TTC4: variants seen among roughly 807,000 people sequenced by gnomAD.
The protein encoded by TTC4 is tetratricopeptide repeat domain 4.
A neutral mutation model predicts 51.9 loss-of-function variants in TTC4; 36 were observed. The observed-to-expected ratio is 0.69, with a 90% CI of 0.53 to 0.92. The LOEUF is 0.92. Among genes scored for constraint, TTC4 ranks in the 40% least tolerant of loss-of-function variants. The probability of loss-of-function intolerance (pLI) is 0.00; values close to 1 mark genes in which losing one functional copy is unlikely to be tolerated. For synonymous variants in TTC4, 144 were observed against 164.2 expected (o/e 0.88, Z 0.94); for missense variants, 399 against 454.6 (o/e 0.88, Z 1.11).
intron 5 of TTC4, among the ~76,000 whole-genome samples, chr1:54,726,024 A>T (rs1479451288): frequency 6.6e-6 from 1 of 152,224 alleles, no homozygotes; most frequent in African/African-American, 2.4e-5. Context: ...GAAGGAGAGA[A>T]GAGAGAGAAT....
At chr1:54,724,497 A>G (rs1480847588) in intron 5 of TTC4, among the ~76,000 whole-genome samples, 1 of 152,074 alleles carries the variant, frequency 6.6e-6, no homozygotes, top group Non-Finnish European at 1.5e-5. Context: ...GCTGGTCTCA[A>G]ACTCCTGGGC....
At chr1:54,716,834 T>G (rs1234407408) in intron 2 of TTC4, 117 bp downstream of exon 2, 2 of 783,104 alleles carry the variant, frequency 2.6e-6, no homozygotes, top group African/African-American at 3.5e-5. Context: ...TTGTCATTAT[T>G]CATTCCAATA....
intron 9 of TTC4, among the ~76,000 whole-genome samples, chr1:54,739,825 C>T (rs1029667382): frequency 8.5e-5 from 13 of 152,142 alleles, no homozygotes; most frequent in Non-Finnish European, 1.5e-4. Flanking sequence ...TGCTAAGGAG[C>T]GTAAACTTTA....
At chr1:54,737,793 A>T in intron 9 of TTC4, 129 bp downstream of exon 9, 1 of 934,472 alleles carries the variant, frequency 1.1e-6, no homozygotes, top group Non-Finnish European at 1.6e-6. Context: ...TGGAGAACTC[A>T]CAGTTCCACG....
At chr1:54,739,903 A>G (rs1645991183) in intron 9 of TTC4, among the ~76,000 whole-genome samples, 1 of 152,212 alleles carries the variant, frequency 6.6e-6, no homozygotes. Context: ...TGTACAGAAT[A>G]GGCCGGGTAC....
At chr1:54,736,507 A>G (rs1403449062) in intron 8 of TTC4, among the ~76,000 whole-genome samples, 1 of 151,902 alleles carries the variant, frequency 6.6e-6, no homozygotes, top group African/African-American at 2.4e-5. Flanking sequence ...AGTAGCTGGG[A>G]CCACAGGCGT....
In TTC4 at chr1:54,717,541, A is replaced by G. The variant is rs760228530; in HGVS notation, c.279A>G (p.Lys93=). The change falls in exon 3 of 10, where the codon AAA becomes AAG. Residue 93 remains lysine, a synonymous_variant. Coordinates refer to ENST00000371281, the MANE Select transcript of TTC4 (RefSeq NM_004623.5). ...AGGGCAATGATTACTTTAAAGAAAA[A>G]GACTACAAGAAAGCTGTAATTTCAT... ...KDEGNDYFKE[K]DYKKAVISYT... is the part of the protein sequence containing the mutation. 3.7e-6 allele frequency: 6 copies of G among 1,608,994 alleles called. No individual in the cohort carries two copies. In the South Asian group the frequency reaches 4.5e-5, roughly 12 times the overall value.
At chr1:54,726,188 C>T (rs1645796924) in intron 5 of TTC4, among the ~76,000 whole-genome samples, 1 of 151,998 alleles carries the variant, frequency 6.6e-6, no homozygotes, top group South Asian at 2.1e-4. Flanking sequence ...TGTTGAAAAA[C>T]AAAGAAGAGA....
chr1:54,734,226 C>T (rs982359597), intron 8 of TTC4, among the ~76,000 whole-genome samples: 4 of 152,100 alleles, frequency 2.6e-5, no homozygotes, highest in East Asian at 1.9e-4. Context: ...CGCGTGCCAC[C>T]ACACCCAGCT....
intron 5 of TTC4, among the ~76,000 whole-genome samples, chr1:54,726,640 T>C (rs1645802604): frequency 6.6e-6 from 1 of 152,220 alleles, no homozygotes; most frequent in African/African-American, 2.4e-5. Context: ...CTAAAACTTA[T>C]ACTCTAAAAA....
intron 5 of TTC4, among the ~76,000 whole-genome samples, chr1:54,727,346 A>G (rs1645812359): frequency 6.6e-6 from 1 of 152,176 alleles, no homozygotes; most frequent in Non-Finnish European, 1.5e-5. Context: ...ACTATATAAA[A>G]AAGTTACCCA....
rs114576834 is a variant in TTC4, at chr1:54,734,043, T to C, written c.978+333T>C. ...TTAGCATAATGTCTTCAAGGTTCAT[T>C]ACATATTGTATCATGTGTCAGAATT... On this transcript the variant is annotated intron_variant, in intron 8 of 9. Transcript: ENST00000371281. Among the ~76,000 whole-genome samples the C allele has an allele frequency of 8.0e-3, 1,220 of 152,292 alleles. 20 individuals are homozygous for C. Among genetic ancestry groups the C allele is most frequent in the African/African-American group, 0.028 (1,173 of 41,564 alleles).
rs1218867451 is a variant in TTC4 at position 54,731,715 on chromosome 1, A to G, written c.896+15A>G. 1.2e-6 allele frequency: 2 copies of G among 1,609,766 alleles called. No homozygotes were observed. Among genetic ancestry groups the G allele is most frequent in the Non-Finnish European group, 1.7e-6 (2 of 1,177,438 alleles). On this transcript the variant is annotated intron_variant, in intron 7 of 9. Transcript: ENST00000371281. ...GAGGACTCCAGGTACTGACTTGCCC[A>G]GGAGCCCTCTGCTTTTGCTTGCATG...
intron 3 of TTC4, among the ~76,000 whole-genome samples, chr1:54,718,281 G>A (rs1466284084): frequency 1.3e-5 from 2 of 152,120 alleles, no homozygotes; most frequent in African/African-American, 4.8e-5. Flanking sequence ...GCTGAGGCAC[G>A]AGGATCGCTC....
intron 6 of TTC4, 43 bp downstream of exon 6, chr1:54,728,475 A>T: frequency 6.4e-7 from 1 of 1,563,088 alleles, no homozygotes; most frequent in Non-Finnish European, 8.7e-7. Flanking sequence ...TGCTAAATCC[A>T]CTAATCCTGT....
At chr1:54,723,419 G>A (rs1269526887) in intron 5 of TTC4, among the ~76,000 whole-genome samples, 1 of 152,176 alleles carries the variant, frequency 6.6e-6, no homozygotes, top group Non-Finnish European at 1.5e-5. Context: ...TTCAGGGCCA[G>A]CTAAAGACTC....
chr1:54,716,347 T>G (rs897533154), intron 1 of TTC4, among the ~76,000 whole-genome samples: 1 of 152,156 alleles, frequency 6.6e-6, no homozygotes, highest in Non-Finnish European at 1.5e-5. Context: ...GTTGGTAAAG[T>G]GCCAAGAACA....
intron 3 of TTC4, among the ~76,000 whole-genome samples, chr1:54,719,168 A>G (rs1402733666): frequency 6.6e-6 from 1 of 152,070 alleles, no homozygotes; most frequent in Non-Finnish European, 1.5e-5. Flanking sequence ...CTGGAGGAAC[A>G]GGGGAGGAGT....
In TTC4 at chr1:54,716,484, C is replaced by G. The variant is rs892972811; in HGVS notation, c.112-116C>G. 5.3e-6 allele frequency: 4 copies of G among 754,502 alleles called. No homozygotes were observed. The East Asian group carries it at 7.4e-5, about 14-fold the overall frequency. 46.7% of individuals were successfully genotyped at this position (754,502 alleles called of 1,614,324 possible). On this transcript the variant is annotated intron_variant, in intron 1 of 9. Transcript: ENST00000371281. ...GAAGCGGAGGCCTGAATGGATACAG[C>G]TAGCTGTGATGATTTGCAAATCATG...
Sources: gnomAD v4.1 joint callset for allele counts (sites outside exome capture counted in the v4.1 genomes callset) on GRCh38, gnomAD v4.1.1 for gene constraint, MANE v1.5 for transcripts, NCBI Gene and HGNC (gene_info 2026-07-23, HGNC 2026-07-21) for gene names.